The following PIH1D2 variants were observed in gnomAD, a reference collection of about 807,000 sequenced individuals.
PIH1D2 encodes PIH1 domain containing 2, also known as PIH1 domain-containing protein 2.
PIH1D2 carries 25 observed loss-of-function variants against 31.2 expected under a neutral mutation model. The observed-to-expected ratio is 0.80, with a 90% CI of 0.58 to 1.12. The LOEUF (loss-of-function observed/expected upper bound fraction) is 1.12. Among genes scored for constraint, PIH1D2 ranks in the 50% most tolerant of loss-of-function variants. PIH1D2 has a pLI of 0.00. For missense variants in PIH1D2, 310 were observed against 356.6 expected (o/e 0.87, Z 1.05); for synonymous variants, 116 against 119.9 (o/e 0.97, Z 0.21).
downstream of PIH1D2, among the ~76,000 whole-genome samples, chr11:112,059,299 G>T (rs868936342): frequency 1.3e-4 from 19 of 151,962 alleles, no homozygotes; most frequent in South Asian, 8.3e-4. Context: ...GACGGCAGGG[G>T]ATGTTAGACG....
chr11:112,071,207 AT>A lies in PIH1D2; in HGVS notation c.377del (p.Asn126IlefsTer3). The A allele has an allele frequency of 3.7e-6, 6 of 1,613,430 alleles. No individual in the cohort carries two copies. The highest frequency in any genetic ancestry group is 1.1e-5 in the South Asian group (1 of 91,054). On this transcript the variant is annotated frameshift_variant, in exon 4 of 6. Transcript: ENST00000280350. LOFTEE classifies it high-confidence loss of function. ...ATTTCATGGCCATCTGAATTAACTG[AT>A]TTTTTTTCACTTGGTCCTTTTCTGC... The part of the protein sequence containing the change: ...HAAEKDQVKK[N>X]QLIQMAMKCI...
chr11:112,060,388 C>T (rs1283486996), downstream of PIH1D2, among the ~76,000 whole-genome samples: 1 of 151,636 alleles, frequency 6.6e-6, no homozygotes, highest in Non-Finnish European at 1.5e-5. Flanking sequence ...TCTTGATCTC[C>T]TGACCTTGTG....
At chr11:112,058,177 G>A in the PIH1D2 span, among the ~76,000 whole-genome samples, 5 of 152,110 alleles carry the variant, frequency 3.3e-5, no homozygotes, top group African/African-American at 1.2e-4. Flanking sequence ...AACATGTACT[G>A]TTTACTGGAT....
downstream of PIH1D2, among the ~76,000 whole-genome samples, chr11:112,065,319 A>G (rs782070225): frequency 6.6e-6 from 1 of 152,190 alleles, no homozygotes; most frequent in Non-Finnish European, 1.5e-5. Flanking sequence ...ACTAGAATGT[A>G]AATTTTACCA....
In PIH1D2 at chr11:112,069,005, T is replaced by G. The variant is rs587599689; in HGVS notation, c.814-1000A>C. 7.1e-3 allele frequency among the ~76,000 whole-genome samples: 1,023 copies of G among 143,614 alleles called. 5 individuals carry two copies. Among genetic ancestry groups the G allele is most frequent in the African/African-American group, 0.011 (396 of 36,928 alleles). The allele number at this position is 143,614 out of a possible 152,430, so 94.2% of individuals were successfully genotyped here. A position where few individuals can be genotyped will look rare whatever the true frequency, so the allele number is the denominator to read the frequency against. On this transcript the variant is annotated intron_variant, in intron 5 of 5. Coordinates refer to ENST00000280350, the MANE Select transcript of PIH1D2 (RefSeq NM_138789.4). Reference sequence around the variant, plus strand: ...TTGTTTTTTTTTTTTTTTGTTTTTTTTTTTTTGAGGGGAGACAGAGTCTCG... The same window carrying G: ...TTGTTTTTTTTTTTTTTTGTTTTTTGTTTTTTGAGGGGAGACAGAGTCTCG...
chr11:112,060,725 C>T (rs1864549680), downstream of PIH1D2, among the ~76,000 whole-genome samples: 1 of 152,260 alleles, frequency 6.6e-6, no homozygotes, highest in East Asian at 1.9e-4. Context: ...CTCACCCTCT[C>T]GAAGTGCTGG....
At position 112,071,132 on chromosome 11, in the gene PIH1D2, G is replaced by T; in HGVS notation, c.453C>A (p.Thr151=). 4 of 1,613,570 alleles carry T rather than the reference G, an allele frequency of 2.5e-6. No individual in the cohort carries two copies. Among genetic ancestry groups the T allele is most frequent in the Non-Finnish European group, 3.4e-6 (4 of 1,179,764 alleles). ...QFTLSHSYHI[T]KFRIKGSIQR... ...GAATGCTTCCTTTTATTCTAAATTTGGTAATATGGTAAGAGTGTGAGAGGG... is the reference window on the plus strand; with the variant it reads ...GAATGCTTCCTTTTATTCTAAATTTTGTAATATGGTAAGAGTGTGAGAGGG... The change falls in exon 4 of 6, where the codon ACC becomes ACA. Residue 151 remains threonine, a synonymous_variant. Transcript: ENST00000280350.
downstream of PIH1D2, among the ~76,000 whole-genome samples, chr11:112,067,631 C>T (rs587686300): frequency 3.7e-5 from 4 of 107,570 alleles, no homozygotes; most frequent in African/African-American, 1.4e-4. Context: ...CACTGCACTC[C>T]AGCCTGGGCA....
intron 1 of PIH1D2, 64 bp from the exon 2 acceptor site, chr11:112,073,269 G>T: frequency 8.3e-7 from 1 of 1,210,894 alleles, no homozygotes; most frequent in South Asian, 1.7e-5. Context: ...TTTCTGCTTT[G>T]GGGAGGTGGA....
downstream of PIH1D2, chr11:112,062,640 T>A (rs1194679251): frequency 7.5e-7 from 1 of 1,326,768 alleles, no homozygotes; most frequent in Non-Finnish European, 1.1e-6. Context: ...ACCAGTTATT[T>A]TTATTATTGA....
At chr11:112,060,541 G>A (rs1326751770), downstream of PIH1D2, among the ~76,000 whole-genome samples, 1 of 151,944 alleles carries the variant, frequency 6.6e-6, no homozygotes, top group Non-Finnish European at 1.5e-5. Context: ...TGCAACCTCC[G>A]CCTCCCAGGT....
chr11:112,058,449 G>C (rs2135142694), downstream of PIH1D2, among the ~76,000 whole-genome samples: 1 of 152,214 alleles, frequency 6.6e-6, no homozygotes, highest in East Asian at 1.9e-4. Flanking sequence ...TGGAGCTTGT[G>C]CCTAGAAAGA....
At chr11:112,056,223 C>T in the PIH1D2 span, among the ~76,000 whole-genome samples, 2 of 152,122 alleles carry the variant, frequency 1.3e-5, no homozygotes, top group Non-Finnish European at 2.9e-5. Flanking sequence ...AATGTACCTG[C>T]TCTAAGTGTA....
downstream of PIH1D2, chr11:112,063,517 AGGGGTACATT>A (rs1864767697): frequency 6.6e-6 from 1 of 152,624 alleles, no homozygotes; most frequent in African/African-American, 2.4e-5. Context: ...TCTGAAAAGG[AGGGGTACATT>A]GGTAAACATT....
downstream of PIH1D2, chr11:112,062,273 T>C (rs1295464655): frequency 3.2e-6 from 3 of 951,780 alleles, no homozygotes; most frequent in African/African-American, 1.6e-5. Flanking sequence ...GCTAAAGGTA[T>C]AGGAGACTGG....
chr11:112,064,304 AG>A, downstream of PIH1D2: 1 of 1,217,178 alleles, frequency 8.2e-7, no homozygotes, highest in Non-Finnish European at 1.1e-6. Flanking sequence ...AAATCGATTC[AG>A]TCTCTTACCA....
At chr11:112,065,761 A>G (rs1276930804), downstream of PIH1D2, among the ~76,000 whole-genome samples, 1 of 152,242 alleles carries the variant, frequency 6.6e-6, no homozygotes, top group Non-Finnish European at 1.5e-5. Context: ...CGGGCAGATC[A>G]CTTGAGGTCA....
chr11:112,063,999 G>T, downstream of PIH1D2: 2 of 587,590 alleles, frequency 3.4e-6, no homozygotes, highest in Non-Finnish European at 5.7e-6. Flanking sequence ...TGGTACACAA[G>T]TGACACTCCA....
intron 2 of PIH1D2, among the ~76,000 whole-genome samples, chr11:112,072,267 T>A (rs1258626536): frequency 6.6e-6 from 1 of 152,010 alleles, no homozygotes; most frequent in Non-Finnish European, 1.5e-5. Flanking sequence ...GAATCCAGAC[T>A]GGGGTGGTGG....
Sources: gnomAD v4.1 joint callset for allele counts (sites outside exome capture counted in the v4.1 genomes callset) on GRCh38, gnomAD v4.1.1 for gene constraint, MANE v1.5 for transcripts, NCBI Gene and HGNC (gene_info 2026-07-23, HGNC 2026-07-21) for gene names.